CPLX1: variants seen among roughly 807,000 people sequenced by gnomAD.
CPLX1 encodes the protein complexin-1.
Under a neutral mutation model 15.6 loss-of-function variants are expected in CPLX1, and 6 were observed. The ratio of observed to expected loss-of-function variants is 0.39; its 90% CI spans 0.21 to 0.76. The LOEUF is 0.76. Among genes scored for constraint, CPLX1 ranks in the 30% least tolerant of loss-of-function variants. The pLI, the probability that CPLX1 is intolerant of heterozygous loss-of-function variation, is 0.43. For synonymous variants in CPLX1, 91 were observed against 75.2 expected (o/e 1.21, Z -1.08); for missense variants, 242 against 188.6 (o/e 1.28, Z -1.66).
At chr4:799,090 C>A (rs912556532) in intron 2 of CPLX1, among the ~76,000 whole-genome samples, 1 of 152,232 alleles carries the variant, frequency 6.6e-6, no homozygotes, top group Non-Finnish European at 1.5e-5. Context: ...GGAAACAGAA[C>A]CCCTCTCTCT....
At chr4:787,174 T>C (rs1414523389) in intron 3 of CPLX1, 1 of 985,406 alleles carries the variant, frequency 1.0e-6, no homozygotes. Flanking sequence ...GCTGCCTGGA[T>C]GCGGCCGCGG....
At chr4:825,708 A>T (rs1056772774) in intron 1 of CPLX1, among the ~76,000 whole-genome samples, 9 of 146,840 alleles carry the variant, frequency 6.1e-5, no homozygotes, top group African/African-American at 2.3e-4. Flanking sequence ...GCACCGCGGC[A>T]GTGGACAGCG....
chr4:824,659 CCA>C (rs1401999333), intron 1 of CPLX1, 58 bp from the exon 2 acceptor site: 5 of 901,776 alleles, frequency 5.5e-6, no homozygotes, highest in Non-Finnish European at 9.2e-6. Context: ...CTGGCCTTCC[CCA>C]GAGACCATCA....
chr4:801,810 G>T (rs936123823), intron 2 of CPLX1, among the ~76,000 whole-genome samples: 1 of 152,202 alleles, frequency 6.6e-6, no homozygotes, highest in African/African-American at 2.4e-5. Flanking sequence ...AAAGTTGATC[G>T]ACGTGTCAGT....
chr4:808,267 T>A (rs1033107165), intron 2 of CPLX1, among the ~76,000 whole-genome samples: 2 of 145,354 alleles, frequency 1.4e-5, no homozygotes, highest in African/African-American at 5.3e-5. Flanking sequence ...TAAAAATAAA[T>A]AAAAATCCTC....
intron 2 of CPLX1, among the ~76,000 whole-genome samples, chr4:805,825 C>T (rs1230798870): frequency 1.3e-5 from 2 of 152,146 alleles, no homozygotes; most frequent in South Asian, 2.1e-4. Flanking sequence ...CTTGAGGACA[C>T]TATGCTAAAT....
chr4:786,906 A>G (rs928787808), intron 3 of CPLX1: 12 of 981,174 alleles, frequency 1.2e-5, no homozygotes, highest in South Asian at 4.7e-5. Flanking sequence ...AATGGGGGCC[A>G]GGAGCTGACA....
At chr4:795,422 G>A (rs1397822233) in intron 2 of CPLX1, among the ~76,000 whole-genome samples, 1 of 152,200 alleles carries the variant, frequency 6.6e-6, no homozygotes, top group Non-Finnish European at 1.5e-5. Context: ...GCGGCGCTGC[G>A]ACCCACCCCC....
chr4:788,481 GAC>G (rs1746068619), intron 3 of CPLX1: 2 of 985,456 alleles, frequency 2.0e-6, no homozygotes, highest in South Asian at 4.7e-5. Flanking sequence ...GCGCACTCTT[GAC>G]AGAGCCGGGA....
intron 2 of CPLX1, among the ~76,000 whole-genome samples, chr4:822,043 C>T (rs145861213): frequency 5.3e-5 from 8 of 152,204 alleles, no homozygotes; most frequent in Non-Finnish European, 1.2e-4. Flanking sequence ...GGCCCTGACT[C>T]CTCTTAGCAG....
At chr4:804,812 A>T in intron 2 of CPLX1, 1 of 985,438 alleles carries the variant, frequency 1.0e-6, no homozygotes, top group Non-Finnish European at 1.2e-6. Flanking sequence ...GGCGGTCGTC[A>T]GCCTGGAGGC....
In CPLX1 at chr4:826,073, G is replaced by GC; in HGVS notation, c.-108_-107insG. 6.8e-6 allele frequency: 1 copy of GC among 147,164 alleles called. No individual in the cohort carries two copies. Among genetic ancestry groups the GC allele is most frequent in the Non-Finnish European group, 1.5e-5 (1 of 66,576 alleles). 9.1% of individuals were successfully genotyped at this position (147,164 alleles called of 1,614,324 possible). A position where few individuals can be genotyped will look rare whatever the true frequency, so the allele number is the denominator to read the frequency against. On this transcript the variant is annotated 5_prime_UTR_variant, in exon 1 of 4. It removes the in-frame stop codon of an upstream open reading frame in the 5' UTR. Coordinates refer to ENST00000304062, the MANE Select transcript of CPLX1 (RefSeq NM_006651.4). ...TCCCGGGGCGCGGGCGGTCAGCGGC[G>GC]GGGCGCGCTCGGGCCGGCTGGGTCC...
intron 2 of CPLX1, among the ~76,000 whole-genome samples, chr4:797,615 T>C (rs62294151): frequency 0.59 from 87,758 of 149,620 alleles, 25,983 homozygotes; most frequent in Middle Eastern, 0.68. Flanking sequence ...CGTGAGCCAC[T>C]GAGCCTGGCC....
rs1176289342 is a variant in CPLX1 at position 786,158 on chromosome 4, G to A, written c.*343C>T. ...GCTCCTGAGTGCGGGCCCGACAGGC[G>A]CCCACCGCCGCGAACGCGCGCACAG... is the stretch of plus-strand genomic sequence containing the variant. On this transcript the variant is annotated 3_prime_UTR_variant, in exon 4 of 4. Transcript: ENST00000304062. The A allele has an allele frequency of 5.6e-6, 1 of 178,030 alleles. No individual in the cohort carries two copies. Among genetic ancestry groups the A allele is most frequent in the East Asian group, 1.5e-4 (1 of 6,894 alleles). 11.0% of individuals were successfully genotyped at this position (178,030 alleles called of 1,614,324 possible).
intron 3 of CPLX1, among the ~76,000 whole-genome samples, chr4:789,192 C>T (rs981868392): frequency 2.6e-5 from 4 of 152,188 alleles, no homozygotes; most frequent in African/African-American, 4.8e-5. Flanking sequence ...CTGGCTTCCA[C>T]GTGGTCTGGC....
At chr4:795,044 T>C (rs1746291589) in intron 2 of CPLX1, among the ~76,000 whole-genome samples, 1 of 152,182 alleles carries the variant, frequency 6.6e-6, no homozygotes, top group African/African-American at 2.4e-5. Flanking sequence ...GAGCCGAGGA[T>C]TCGTGCTCCC....
chr4:824,844 T>C (rs538122726), intron 1 of CPLX1: 49 of 569,430 alleles, frequency 8.6e-5, no homozygotes, highest in African/African-American at 8.3e-4. Context: ...GGGCTGCTGA[T>C]GGCTTAGGGG....
chr4:811,998 T>C (rs1746672585), intron 2 of CPLX1, among the ~76,000 whole-genome samples: 1 of 152,214 alleles, frequency 6.6e-6, no homozygotes, highest in African/African-American at 2.4e-5. Context: ...CTCCTTGGTC[T>C]TATATTAATA....
chr4:798,104 G>A (rs879259433), intron 2 of CPLX1, among the ~76,000 whole-genome samples: 2 of 151,912 alleles, frequency 1.3e-5, no homozygotes, highest in African/African-American at 2.4e-5. Context: ...GTGAAACCCC[G>A]TTTCTACTAA....
Sources: allele counts gnomAD v4.1 joint callset (sites outside exome capture counted in the v4.1 genomes callset), GRCh38; gene constraint gnomAD v4.1.1; transcripts MANE v1.5; gene names NCBI Gene and HGNC (gene_info 2026-07-23, HGNC 2026-07-21).